SCIN: variants seen among roughly 807,000 people sequenced by gnomAD.
SCIN encodes the protein adseverin.
In SCIN, 91 loss-of-function variants were observed where a neutral mutation model predicts 91.8. The observed-to-expected ratio is 0.99, with a 90% CI of 0.84 to 1.18. SCIN has a LOEUF of 1.18. SCIN is among the 50% of genes most tolerant of loss of function. SCIN has a pLI of 0.00. For missense variants in SCIN, 1,087 were observed against 863.9 expected (o/e 1.26, Z -3.24); for synonymous variants, 367 against 312.6 (o/e 1.17, Z -1.84).
intron 4 of SCIN, among the ~76,000 whole-genome samples, chr7:12,605,261 C>A (rs1783054194): frequency 6.6e-6 from 1 of 152,128 alleles, no homozygotes; most frequent in Admixed American, 6.5e-5. Flanking sequence ...CCATGTTAGC[C>A]AGTGGTCCTG....
At chr7:12,643,731 CTCACT>C in intron 11 of SCIN, among the ~76,000 whole-genome samples, 1 of 152,174 alleles carries the variant, frequency 6.6e-6, no homozygotes, top group Non-Finnish European at 1.5e-5. Flanking sequence ...AAGCATTTTC[CTCACT>C]TGGCCTCAAG....
intron 13 of SCIN, among the ~76,000 whole-genome samples, chr7:12,649,104 C>T (rs1189064552): frequency 2.0e-5 from 3 of 152,090 alleles, no homozygotes; most frequent in Non-Finnish European, 4.4e-5. Context: ...CTTTGGTCTT[C>T]CTAATTATTT....
At chr7:12,584,689 A>G (rs1782552607) in intron 3 of SCIN, among the ~76,000 whole-genome samples, 1 of 152,204 alleles carries the variant, frequency 6.6e-6, no homozygotes. Flanking sequence ...GATCTTACCA[A>G]TTTACAGAGT....
At position 12,651,841 on chromosome 7, in the gene SCIN, A is replaced by C. The variant is rs1330038493; in HGVS notation, c.1960A>C (p.Ile654Leu). The stretch of plus-strand genomic sequence containing the variant: ...ATATTGTTATTGTTTCATTTTTCAG[A>C]TATTTATTTGGATTGGCAAAGATGC... ...DVMLLDAWEQ[I>L]FIWIGKDANE... The change falls in exon 15 of 16, where the codon ATA (isoleucine) becomes CTA (leucine). Residue 654 changes from isoleucine (I) to leucine (L), a missense_variant and splice_region_variant. Coordinates refer to ENST00000297029, the MANE Select transcript of SCIN (RefSeq NM_001112706.3). The surrounding 1 kb of genome is among the most constrained non-coding windows in gnomAD (Gnocchi z 5.9). The C allele has an allele frequency of 1.3e-6, 2 of 1,573,948 alleles. No individual in the cohort carries two copies. Among genetic ancestry groups the C allele is most frequent in the East Asian group, 4.5e-5 (2 of 44,262 alleles).
At chr7:12,628,603 A>G (rs537358186) in intron 8 of SCIN, among the ~76,000 whole-genome samples, 1 of 152,168 alleles carries the variant, frequency 6.6e-6, no homozygotes, top group Non-Finnish European at 1.5e-5. Context: ...TTCAACATAC[A>G]TTGTGGAGGG....
intron 1 of SCIN, among the ~76,000 whole-genome samples, chr7:12,575,590 T>A (rs1782353903): frequency 6.6e-6 from 1 of 152,140 alleles, no homozygotes; most frequent in Non-Finnish European, 1.5e-5. Flanking sequence ...TTTAAATCTC[T>A]CTTTTTATCT....
At chr7:12,577,177 T>G (rs1458141700) in intron 1 of SCIN, among the ~76,000 whole-genome samples, 2 of 152,186 alleles carry the variant, frequency 1.3e-5, no homozygotes, top group African/African-American at 2.4e-5. Flanking sequence ...GCGTGCTGCT[T>G]CCTTTGCTCT....
intron 4 of SCIN, among the ~76,000 whole-genome samples, chr7:12,611,880 T>G (rs849789): frequency 0.93 from 141,646 of 151,874 alleles, 66,126 homozygotes; most frequent in East Asian, 1. Context: ...CCTGTGAATA[T>G]CCACTGCACT....
At chr7:12,648,273 T>C (rs1784005172) in intron 13 of SCIN, among the ~76,000 whole-genome samples, 1 of 151,656 alleles carries the variant, frequency 6.6e-6, no homozygotes, top group South Asian at 2.1e-4. Flanking sequence ...TGACTAGGCC[T>C]ATTGACTTTT....
intron 7 of SCIN, 147 bp downstream of exon 7, chr7:12,625,997 C>G (rs1783513942): frequency 1.7e-6 from 1 of 586,528 alleles, no homozygotes; most frequent in East Asian, 3.0e-5. Flanking sequence ...ATCTGGTGTC[C>G]CTCTTCTTTA....
In SCIN at chr7:12,625,055, G is replaced by T; in HGVS notation, c.805G>T (p.Glu269Ter). The change falls in exon 6 of 16, where the codon GAA becomes TAA. Residue 269 changes from glutamate to a stop codon, truncating the protein, a stop_gained. Coordinates refer to ENST00000297029, the MANE Select transcript of SCIN (RefSeq NM_001112706.3). LOFTEE classifies it high-confidence loss of function. ...GSMRVTVVAE[E>*]NPFSMAMLLS... ...CATGAGAGTGACTGTGGTGGCAGAA[G>T]AAAACCCCTTCTCAATGGCAATGCT... 1.9e-6 allele frequency: 3 copies of T among 1,586,788 alleles called. No individual in the cohort carries two copies. The South Asian group carries it at 3.5e-5, about 18-fold the overall frequency.
intron 8 of SCIN, among the ~76,000 whole-genome samples, chr7:12,628,837 A>G (rs886415400): frequency 2.0e-5 from 3 of 152,178 alleles, no homozygotes; most frequent in African/African-American, 4.8e-5. Context: ...TTCCACTAGT[A>G]GATGAAACAA....
intron 4 of SCIN, among the ~76,000 whole-genome samples, chr7:12,620,739 A>G (rs761661405): frequency 2.0e-5 from 3 of 152,140 alleles, no homozygotes; most frequent in Non-Finnish European, 4.4e-5. Context: ...GAGAATAGAG[A>G]TACATTGACA....
intron 13 of SCIN, among the ~76,000 whole-genome samples, chr7:12,648,271 C>G (rs968783145): frequency 5.3e-5 from 8 of 150,808 alleles, no homozygotes; most frequent in African/African-American, 1.9e-4. Context: ...AATGACTAGG[C>G]CTATTGACTT....
rs1783837869 is a variant in SCIN, at chr7:12,640,518, G to T, written c.1581+1G>T. 6.2e-7 allele frequency: 1 copy of T among 1,605,438 alleles called. No homozygotes were observed. Among genetic ancestry groups the T allele is most frequent in the African/African-American group, 1.3e-5 (1 of 74,534 alleles). On this transcript the variant is annotated splice_donor_variant, in intron 11 of 15. Coordinates refer to ENST00000297029, the MANE Select transcript of SCIN (RefSeq NM_001112706.3). LOFTEE classifies it high-confidence loss of function. ...GGCATCTATCACCAGAATTGTGGAG[G>T]TAATGTCATGCATTCCATAAAACAT...
chr7:12,640,377 C>T lies in SCIN; in HGVS notation c.1441C>T (p.His481Tyr), dbSNP rs768912973. 1 of 1,609,006 alleles carries T rather than the reference C, an allele frequency of 6.2e-7. No homozygotes were observed. The highest frequency in any genetic ancestry group is 1.7e-5 in the Admixed American group (1 of 59,388). The change falls in exon 11 of 16, where the codon CAC becomes TAC. Residue 481 changes from histidine (H) to tyrosine (Y), a missense_variant. Coordinates refer to ENST00000297029, the MANE Select transcript of SCIN (RefSeq NM_001112706.3). The part of the protein sequence containing the change: ...IRVSQGKEPV[H>Y]LLSLFKDKPL... ...AGTCTCCCAAGGCAAAGAGCCTGTT[C>T]ACCTACTGAGTTTGTTCAAAGACAA... is the stretch of plus-strand genomic sequence containing the variant.
At chr7:12,589,182 G>A (rs115167269) in intron 3 of SCIN, 4,287 of 152,198 alleles carry the variant, frequency 0.028, 178 homozygotes, top group East Asian at 0.14. Context: ...CACCTGGGCC[G>A]GGAATCTGAA....
chr7:12,650,548 G>A (rs958265775), intron 14 of SCIN, among the ~76,000 whole-genome samples: 1 of 151,920 alleles, frequency 6.6e-6, no homozygotes, highest in Non-Finnish European at 1.5e-5. Flanking sequence ...TCTGTTCCCT[G>A]CACACAAATG....
intron 8 of SCIN, among the ~76,000 whole-genome samples, chr7:12,627,091 TAC>T (rs10654667): frequency 4.9e-4 from 73 of 149,178 alleles, no homozygotes; most frequent in Admixed American, 1.4e-3. Flanking sequence ...AATGTGTGTA[TAC>T]ACACACACAC....
Sources: gnomAD v4.1 joint callset for allele counts (sites outside exome capture counted in the v4.1 genomes callset) on GRCh38, gnomAD v4.1.1 for gene constraint, Gnocchi (gnomAD v3.1) non-coding constraint, MANE v1.5 for transcripts, NCBI Gene and HGNC (gene_info 2026-07-23, HGNC 2026-07-21) for gene names.